Variants in SUGP1 observed in about 807,000 individuals in gnomAD.
SUGP1 encodes the protein SURP and G-patch domain containing 1, also known as SURP and G-patch domain-containing protein 1.
SUGP1 carries 34 observed loss-of-function variants against 76.5 expected under a neutral mutation model. That is an observed-to-expected ratio of 0.44 (90% CI 0.34 to 0.59). The LOEUF is 0.59. Ranked by LOEUF, SUGP1 falls within the 20% of genes least tolerant of loss-of-function variation. The pLI is 0.01. For missense variants in SUGP1, 752 were observed against 851.7 expected (o/e 0.88, Z 1.46); for synonymous variants, 326 against 326.2 (o/e 1.00, Z 0.01).
intron 1 of SUGP1, among the ~76,000 whole-genome samples, chr19:19,319,574 A>C (rs2146636278): frequency 6.6e-6 from 1 of 151,676 alleles, no homozygotes; most frequent in African/African-American, 2.4e-5. Context: ...AAAAACACAC[A>C]AATTCGCTGT....
chr19:19,279,123 G>C, intron 10 of SUGP1, 90 bp downstream of exon 10: 1 of 1,381,528 alleles, frequency 7.2e-7, no homozygotes, highest in Non-Finnish European at 9.6e-7. Context: ...GGCAGCTCAA[G>C]ACCACGTGTG....
intron 8 of SUGP1, among the ~76,000 whole-genome samples, chr19:19,289,373 G>A (rs574366689): frequency 1.3e-5 from 2 of 151,518 alleles, no homozygotes; most frequent in South Asian, 2.1e-4. Context: ...AGGCCGAGGC[G>A]GGGAGATTAC....
At chr19:19,294,467 G>A (rs1372385770) in intron 8 of SUGP1, among the ~76,000 whole-genome samples, 1 of 141,456 alleles carries the variant, frequency 7.1e-6, no homozygotes, top group Non-Finnish European at 1.5e-5. Context: ...CGAGGCTGCA[G>A]TGAGTAGCCA....
At chr19:19,320,431 G>T (rs903820867) in intron 1 of SUGP1, 32 bp downstream of exon 1, 2 of 1,607,064 alleles carry the variant, frequency 1.2e-6, no homozygotes, top group Non-Finnish European at 1.7e-6. Flanking sequence ...AGGGACCCAG[G>T]CGGCCGCCTG....
chr19:19,316,349 C>A, intron 2 of SUGP1, 73 bp downstream of exon 2: 2 of 1,573,120 alleles, frequency 1.3e-6, no homozygotes, highest in Non-Finnish European at 8.6e-7. Flanking sequence ...ACTGCCCTCA[C>A]AAGCCAAACC....
chr19:19,300,783 C>T (rs576902918), intron 7 of SUGP1, among the ~76,000 whole-genome samples: 1 of 152,168 alleles, frequency 6.6e-6, no homozygotes, highest in Non-Finnish European at 1.5e-5. Flanking sequence ...CCGACAGCCA[C>T]ACCTGACAAG....
At chr19:19,315,152 C>T (rs747883361) in intron 2 of SUGP1, among the ~76,000 whole-genome samples, 9 of 151,644 alleles carry the variant, frequency 5.9e-5, no homozygotes, top group Non-Finnish European at 1.0e-4. Context: ...CATAACAAGA[C>T]CTCATCTCTA....
intron 4 of SUGP1, 67 bp downstream of exon 4, chr19:19,305,782 C>T: frequency 6.7e-7 from 1 of 1,498,792 alleles, no homozygotes; most frequent in African/African-American, 1.4e-5. Flanking sequence ...TTGCCCTGCC[C>T]ACCACAGATC....
intron 7 of SUGP1, among the ~76,000 whole-genome samples, chr19:19,299,191 TA>T (rs2061252154): frequency 6.6e-6 from 1 of 152,198 alleles, no homozygotes; most frequent in Admixed American, 6.5e-5. Flanking sequence ...GCTGATGACA[TA>T]AGCCTTTCCT....
At chr19:19,281,237 G>C (rs2061096451) in intron 8 of SUGP1, 1 of 152,216 alleles carries the variant, frequency 6.6e-6, no homozygotes, top group African/African-American at 2.4e-5. Flanking sequence ...TGAGGACATG[G>C]ATCAGTGGGA....
intron 7 of SUGP1, chr19:19,301,948 C>T (rs2061275216): frequency 2.8e-6 from 1 of 356,178 alleles, no homozygotes. Context: ...GCCTGACTTG[C>T]CCCCGGCCAA....
chr19:19,291,617 C>T (rs556503145), intron 8 of SUGP1, among the ~76,000 whole-genome samples: 10 of 152,018 alleles, frequency 6.6e-5, no homozygotes, highest in Middle Eastern at 3.4e-3. Flanking sequence ...AGGCTGGGCA[C>T]GGTGGCTCAC....
rs956883923 is a variant in SUGP1, at chr19:19,296,849, T to C, written c.1243+140A>G. 2.2e-5 allele frequency: 16 copies of C among 718,110 alleles called. No homozygotes were observed. The African/African-American group carries it at 2.6e-4, about 12-fold the overall frequency. 44.5% of individuals were successfully genotyped at this position (718,110 alleles called of 1,614,324 possible). On this transcript the variant is annotated intron_variant, in intron 8 of 13. Transcript: ENST00000247001. ...ATGAGTGGGTAAGCCAAATGTGGTA[T>C]GTACACACAGTGGAAGATATGGCCA...
chr19:19,276,398 C>T lies in SUGP1; in HGVS notation c.*250G>A. The T allele has an allele frequency of 2.0e-6, 1 of 494,114 alleles. No individual in the cohort carries two copies. The allele number at this position is 494,114 out of a possible 1,614,324, so 30.6% of individuals were successfully genotyped here. On this transcript the variant is annotated 3_prime_UTR_variant, in exon 14 of 14. Transcript: ENST00000247001. ...ACAACTTTCTTCCTCCCCTCCAGTG[C>T]AACCCAGGCTGAGCGGGGATGGAGA...
chr19:19,298,932 T>C (rs1468884467), intron 7 of SUGP1, among the ~76,000 whole-genome samples: 1 of 151,798 alleles, frequency 6.6e-6, no homozygotes, highest in Non-Finnish European at 1.5e-5. Flanking sequence ...GGTCTGCCCA[T>C]CTCGGGGAGG....
chr19:19,279,898 G>A (rs930719833), intron 9 of SUGP1, among the ~76,000 whole-genome samples: 1 of 152,220 alleles, frequency 6.6e-6, no homozygotes, highest in African/African-American at 2.4e-5. Flanking sequence ...GCGGCGAGAA[G>A]CAGCCACAAA....
chr19:19,289,364 G>T (rs980992767), intron 8 of SUGP1, among the ~76,000 whole-genome samples: 1 of 152,014 alleles, frequency 6.6e-6, no homozygotes, highest in African/African-American at 2.4e-5. Flanking sequence ...CACTTTGGGA[G>T]GCCGAGGCGG....
intron 2 of SUGP1, among the ~76,000 whole-genome samples, chr19:19,313,828 C>A (rs1226552789): frequency 1.3e-5 from 2 of 151,906 alleles, no homozygotes; most frequent in Non-Finnish European, 2.9e-5. Context: ...CATAGTGAAA[C>A]CCTGTCTCAA....
At chr19:19,320,072 C>G (rs2061429719) in intron 1 of SUGP1, among the ~76,000 whole-genome samples, 1 of 152,192 alleles carries the variant, frequency 6.6e-6, no homozygotes. Context: ...CAAAGCACTT[C>G]GGAAAAGCAG....
Sources: allele counts gnomAD v4.1 joint callset (sites outside exome capture counted in the v4.1 genomes callset), GRCh38; gene constraint gnomAD v4.1.1; transcripts MANE v1.5; gene names NCBI Gene and HGNC (gene_info 2026-07-23, HGNC 2026-07-21).